BRIP1: variants seen among roughly 807,000 people sequenced by gnomAD.
BRIP1 encodes BRCA1 interacting DNA helicase 1, also known as Fanconi anemia group J protein.
In BRIP1, 88 loss-of-function variants were observed where a neutral mutation model predicts 119.7. The observed-to-expected ratio is 0.74, with a 90% CI of 0.62 to 0.88. The LOEUF (loss-of-function observed/expected upper bound fraction) is 0.88, where lower values mean the gene tolerates loss of function less well. Ranked by LOEUF, BRIP1 falls within the 40% of genes least tolerant of loss-of-function variation. The pLI, the probability that BRIP1 is intolerant of heterozygous loss-of-function variation, is 0.00. For synonymous variants in BRIP1, 443 were observed against 496.5 expected (o/e 0.89, Z 1.43); for missense variants, 1,259 against 1,455.4 (o/e 0.87, Z 2.20).
chr17:61,681,726 T>G lies in BRIP1; in HGVS notation c.*1570A>C, dbSNP rs2061273295. On this transcript the variant is annotated 3_prime_UTR_variant, in exon 20 of 20. Transcript: ENST00000259008. This position sits in a 1 kb window ranked among gnomAD's most constrained non-coding sequence, Gnocchi z 5.1. ...TCTAAATTCTTTAACTGGTAACTTG[T>G]CAATTTAAATGTCTTTGAACTACGC... is the stretch of plus-strand genomic sequence containing the variant. 1.0e-5 allele frequency: 2 copies of G among 197,882 alleles called. No homozygotes were observed. The highest frequency in any genetic ancestry group is 2.1e-5 in the Non-Finnish European group (2 of 95,484). The allele number at this position is 197,882 out of a possible 1,614,324, so 12.3% of individuals were successfully genotyped here. A position where few individuals can be genotyped will look rare whatever the true frequency, so the allele number is the denominator to read the frequency against.
rs2061747471 is a variant in BRIP1 at position 61,710,002 on chromosome 17, G to A, written c.2492+5949C>T. Among the ~76,000 whole-genome samples, 2 of 151,828 alleles carry A rather than the reference G, an allele frequency of 1.3e-5. No individual in the cohort carries two copies. Among genetic ancestry groups the A allele is most frequent in the African/African-American group, 4.8e-5 (2 of 41,332 alleles). ...TTCTGTCAATCAATATACATTATGA[G>A]TTTTATTAAATAACATAAAACATTT... is the stretch of plus-strand genomic sequence containing the variant. On this transcript the variant is annotated intron_variant, in intron 17 of 19. Coordinates refer to ENST00000259008, the MANE Select transcript of BRIP1 (RefSeq NM_032043.3). The surrounding 1 kb of genome is among the most constrained non-coding windows in gnomAD (Gnocchi z 5.4).
rs976742575 is a variant in BRIP1 at position 61,802,197 on chromosome 17, C to T, written c.919-723G>A. Among the ~76,000 whole-genome samples the T allele has an allele frequency of 1.3e-5, 2 of 152,062 alleles. No homozygotes were observed. Among genetic ancestry groups the T allele is most frequent in the Non-Finnish European group, 2.9e-5 (2 of 68,008 alleles). On this transcript the variant is annotated intron_variant, in intron 7 of 19. Coordinates refer to ENST00000259008, the MANE Select transcript of BRIP1 (RefSeq NM_032043.3). This position sits in a 1 kb window ranked among gnomAD's most constrained non-coding sequence, Gnocchi z 6.0. ...TAAAATAACAAGAACAAGCAAGGCA[C>T]GATGACAGGTGTGAGCACTTTGGGA...
rs2078676706 is a variant in BRIP1 at position 61,842,840 on chromosome 17, C to T, written c.627+4261G>A. Among the ~76,000 whole-genome samples, 1 of 152,160 alleles carries T rather than the reference C, an allele frequency of 6.6e-6. No individual in the cohort carries two copies. The highest frequency in any genetic ancestry group is 2.1e-4 in the South Asian group (1 of 4,824). On this transcript the variant is annotated intron_variant, in intron 6 of 19. Transcript: ENST00000259008. This position sits in a 1 kb window ranked among gnomAD's most constrained non-coding sequence, Gnocchi z 5.1. ...TCCTAACGGCCCCGTGAGATAGGTA[C>T]TATTACTAACCCCATTTAACAAATA... is the stretch of plus-strand genomic sequence containing the variant.
At chr17:61,779,226 G>A (rs1289319626) in intron 13 of BRIP1, among the ~76,000 whole-genome samples, 5 of 152,152 alleles carry the variant, frequency 3.3e-5, no homozygotes, top group Admixed American at 2.0e-4. Context: ...GAGGAAGAAC[G>A]TGGATGTAAA....
Position 61,861,775 on chromosome 17 carries a change from T to G in BRIP1, c.-30-206A>C. 1 of 569,974 alleles carries G rather than the reference T, an allele frequency of 1.8e-6. No individual in the cohort carries two copies. The highest frequency in any genetic ancestry group is 1.9e-5 in the African/African-American group (1 of 53,394). 35.3% of individuals were successfully genotyped at this position (569,974 alleles called of 1,614,324 possible). A position where few individuals can be genotyped will look rare whatever the true frequency, so the allele number is the denominator to read the frequency against. Reference sequence around the variant, plus strand: ...GTCTAACAAATCTAGATTTGTATCCTTCACTCTGCCAGGTATTAGTTGTGT... The same window carrying G: ...GTCTAACAAATCTAGATTTGTATCCGTCACTCTGCCAGGTATTAGTTGTGT... On this transcript the variant is annotated intron_variant, in intron 1 of 19. Transcript: ENST00000259008. This position sits in a 1 kb window ranked among gnomAD's most constrained non-coding sequence, Gnocchi z 4.5.
At chr17:61,764,941 T>A (rs942343874) in intron 14 of BRIP1, among the ~76,000 whole-genome samples, 6 of 152,004 alleles carry the variant, frequency 3.9e-5, no homozygotes, top group African/African-American at 1.4e-4. Context: ...TATTAACAGG[T>A]GCAGCATTTA....
chr17:61,715,946 C>CT lies in BRIP1; in HGVS notation c.2492+4dup. 3 of 1,556,952 alleles carry CT rather than the reference C, an allele frequency of 1.9e-6. No individual in the cohort carries two copies. Among genetic ancestry groups the CT allele is most frequent in the Non-Finnish European group, 2.7e-6 (3 of 1,130,012 alleles). ...TAATATTATATTAAATTTCACTCCA[C>CT]TTACCTACCAAGGGCCTGGTTTAAG... On this transcript the variant is annotated splice_donor_region_variant and intron_variant, in intron 17 of 19. Coordinates refer to ENST00000259008, the MANE Select transcript of BRIP1 (RefSeq NM_032043.3).
Position 61,683,337 on chromosome 17 carries a change from A to G in BRIP1, c.3709T>C (p.Ser1237Pro), listed in dbSNP as rs2144066858. 1 of 1,611,166 alleles carries G rather than the reference A, an allele frequency of 6.2e-7. No homozygotes were observed. Among genetic ancestry groups the G allele is most frequent in the South Asian group, 1.1e-5 (1 of 90,548 alleles). ...AACATGCCTTTATTTTTGGAAGGAG[A>G]TGGTTTAAAGTTCTTTATTTCTATT... ...HEIEIKNFKP[S>P]PSKNKGMFPG... Residue 1237 changes from serine to proline, a missense_variant, in exon 20 of 20, where the codon TCT (serine) becomes CCT (proline). Physicochemically the swap from Ser to Pro is moderately conservative, Grantham distance 74. Around this residue, in one of 3 missense-constraint regions of BRIP1, gnomAD observed 753 missense variants for 891.8 expected, o/e 0.84. Coordinates refer to ENST00000259008, the MANE Select transcript of BRIP1 (RefSeq NM_032043.3). This position sits in a 1 kb window ranked among gnomAD's most constrained non-coding sequence, Gnocchi z 4.7.
chr17:61,821,203 C>G (rs1220855342), intron 6 of BRIP1, among the ~76,000 whole-genome samples: 1 of 152,080 alleles, frequency 6.6e-6, no homozygotes, highest in Non-Finnish European at 1.5e-5. Flanking sequence ...AGACATGGCC[C>G]ATGACCAGTC....
intron 10 of BRIP1, among the ~76,000 whole-genome samples, chr17:61,792,485 A>G (rs1290209179): frequency 6.6e-6 from 1 of 152,380 alleles, no homozygotes; most frequent in South Asian, 2.1e-4. Flanking sequence ...TCATTCAGCT[A>G]TAAGAAGAAA....
rs573448777 is a variant in BRIP1, at chr17:61,757,017, G to T, written c.2098-12426C>A. The stretch of plus-strand genomic sequence containing the variant: ...AACCTGGTATATTTTTCCATCTAAA[G>T]ATGATTCTTCATTATTCATTTCATG... On this transcript the variant is annotated intron_variant, in intron 14 of 19. Transcript: ENST00000259008. This position sits in a 1 kb window ranked among gnomAD's most constrained non-coding sequence, Gnocchi z 4.3. Among the ~76,000 whole-genome samples the T allele has an allele frequency of 7.6e-4, 116 of 152,182 alleles. 1 individual carries two copies. Among genetic ancestry groups the T allele is most frequent in the African/African-American group, 2.6e-3 (108 of 41,530 alleles).
rs1309242402 is a variant in BRIP1, at chr17:61,794,521, T to C, written c.1341-792A>G. Among the ~76,000 whole-genome samples the C allele has an allele frequency of 6.6e-6, 1 of 151,936 alleles. No individual in the cohort carries two copies. Among genetic ancestry groups the C allele is most frequent in the African/African-American group, 2.4e-5 (1 of 41,366 alleles). On this transcript the variant is annotated intron_variant, in intron 9 of 19. Coordinates refer to ENST00000259008, the MANE Select transcript of BRIP1 (RefSeq NM_032043.3). This position sits in a 1 kb window ranked among gnomAD's most constrained non-coding sequence, Gnocchi z 4.3. ...TGGACAAGAGGGGAACAGCACATAC[T>C]GGGGCCTATCGGATGGTGTAGCGTT...
rs2078207324 is a variant in BRIP1 at position 61,814,372 on chromosome 17, A to C, written c.628-5615T>G. Among the ~76,000 whole-genome samples the C allele has an allele frequency of 6.6e-6, 1 of 152,098 alleles. No individual in the cohort carries two copies. Among genetic ancestry groups the C allele is most frequent in the South Asian group, 2.1e-4 (1 of 4,834 alleles). ...CAGTGCTTACAGTCAAGTGAGGATC[A>C]GTATCTACAACATATAAAGAATTCC... On this transcript the variant is annotated intron_variant, in intron 6 of 19. Transcript: ENST00000259008. The surrounding 1 kb of genome is among the most constrained non-coding windows in gnomAD (Gnocchi z 4.9).
chr17:61,778,607 G>A lies in BRIP1; in HGVS notation c.1935+1654C>T, dbSNP rs1040001293. On this transcript the variant is annotated intron_variant, in intron 13 of 19. Coordinates refer to ENST00000259008, the MANE Select transcript of BRIP1 (RefSeq NM_032043.3). The surrounding 1 kb of genome is among the most constrained non-coding windows in gnomAD (Gnocchi z 4.4). ...GACATTATAGGTTAAATGGACTTTT[G>A]TGCAGTAGGCTGAGAACATAGAGCC... 3.3e-5 allele frequency among the ~76,000 whole-genome samples: 5 copies of A among 152,144 alleles called. No individual in the cohort carries two copies. The highest frequency in any genetic ancestry group is 4.8e-5 in the African/African-American group (2 of 41,416).
In BRIP1 at chr17:61,816,811, A is replaced by G. The variant is rs2078243742; in HGVS notation, c.628-8054T>C. On this transcript the variant is annotated intron_variant, in intron 6 of 19. Coordinates refer to ENST00000259008, the MANE Select transcript of BRIP1 (RefSeq NM_032043.3). The surrounding 1 kb of genome is among the most constrained non-coding windows in gnomAD (Gnocchi z 5.0). ...ATGGGGAAGTGGGCGGGTAGGCGGAAAATATCTTCTTTAAATAAGAATGCC... is the reference window on the plus strand; with the variant it reads ...ATGGGGAAGTGGGCGGGTAGGCGGAGAATATCTTCTTTAAATAAGAATGCC... Among the ~76,000 whole-genome samples the G allele has an allele frequency of 6.6e-6, 1 of 152,202 alleles. No individual in the cohort carries two copies. Among genetic ancestry groups the G allele is most frequent in the South Asian group, 2.1e-4 (1 of 4,836 alleles).
intron 17 of BRIP1, among the ~76,000 whole-genome samples, chr17:61,711,264 G>T (rs2061769932): frequency 6.6e-6 from 1 of 151,660 alleles, no homozygotes; most frequent in Non-Finnish European, 1.5e-5. Flanking sequence ...CTAAAAGGAA[G>T]AAAAAAATCA....
In BRIP1 at chr17:61,701,850, G is replaced by A. The variant is rs1419219564; in HGVS notation, c.2493-8338C>T. On this transcript the variant is annotated intron_variant, in intron 17 of 19. Coordinates refer to ENST00000259008, the MANE Select transcript of BRIP1 (RefSeq NM_032043.3). The surrounding 1 kb of genome is among the most constrained non-coding windows in gnomAD (Gnocchi z 5.1). ...GGGTCTTCCAGGAAACTCCCAGGTA[G>A]GTCACATAATTCTCTGGAAATGTAC... is the stretch of plus-strand genomic sequence containing the variant. Among the ~76,000 whole-genome samples, 1 of 152,132 alleles carries A rather than the reference G, an allele frequency of 6.6e-6. No individual in the cohort carries two copies. The highest frequency in any genetic ancestry group is 2.4e-5 in the African/African-American group (1 of 41,428).
chr17:61,840,078 G>T (rs1209276853), intron 6 of BRIP1, among the ~76,000 whole-genome samples: 1 of 152,134 alleles, frequency 6.6e-6, no homozygotes, highest in Non-Finnish European at 1.5e-5. Context: ...AGAATTTTTG[G>T]CCAGGTTCCG....
Position 61,729,594 on chromosome 17 carries a change from G to A in BRIP1, c.2379+13419C>T, listed in dbSNP as rs2076816824. Among the ~76,000 whole-genome samples the A allele has an allele frequency of 3.3e-5, 5 of 152,252 alleles. No homozygotes were observed. Among genetic ancestry groups the A allele is most frequent in the East Asian group, 3.9e-4 (2 of 5,182 alleles). Reference sequence around the variant, plus strand: ...GTCAGAAGCAGGGGCTAGAAGTGGGGTGCAGGCCAAAAGACTGTTATAAGA... The same window carrying A: ...GTCAGAAGCAGGGGCTAGAAGTGGGATGCAGGCCAAAAGACTGTTATAAGA... On this transcript the variant is annotated intron_variant, in intron 16 of 19. Transcript: ENST00000259008. The surrounding 1 kb of genome is among the most constrained non-coding windows in gnomAD (Gnocchi z 5.6).
Sources: allele counts gnomAD v4.1 joint callset (sites outside exome capture counted in the v4.1 genomes callset), GRCh38; gene constraint gnomAD v4.1.1; regional missense constraint gnomAD v4.1.1; non-coding constraint Gnocchi (gnomAD v3.1); transcripts MANE v1.5; gene names NCBI Gene and HGNC (gene_info 2026-07-23, HGNC 2026-07-21).